The following CREB5 variants were observed in gnomAD, a reference collection of about 807,000 sequenced individuals.
The protein encoded by CREB5 is cAMP responsive element binding protein 5.
A neutral mutation model predicts 57.1 loss-of-function variants in CREB5; 19 were observed. The observed-to-expected ratio is 0.33, with a 90% CI of 0.23 to 0.49. CREB5 has a LOEUF of 0.49. CREB5 is among the 20% of genes least tolerant of loss of function. CREB5 has a pLI of 0.99. For synonymous variants in CREB5, 238 were observed against 238.3 expected (o/e 1.00, Z 0.01); for missense variants, 579 against 671.6 (o/e 0.86, Z 1.52).
rs150323083 is a variant in CREB5, at chr7:28,588,852, G to A, written c.464+18315G>A. The stretch of plus-strand genomic sequence containing the variant: ...GAATTTTTTTGAGATTGTGAATCTG[G>A]ATTAGAAGTGGTCAAGCAGTTGTTC... On this transcript the variant is annotated intron_variant, in intron 5 of 10. Coordinates refer to ENST00000357727, the MANE Select transcript of CREB5 (RefSeq NM_182898.4). Among the ~76,000 whole-genome samples, 12 of 152,236 alleles carry A rather than the reference G, an allele frequency of 7.9e-5. No individual in the cohort carries two copies. The East Asian group carries it at 2.3e-3, about 29-fold the overall frequency.
intron 5 of CREB5, among the ~76,000 whole-genome samples, chr7:28,643,543 G>T (rs1449246368): frequency 6.6e-6 from 1 of 152,086 alleles, no homozygotes; most frequent in African/African-American, 2.4e-5. Flanking sequence ...ATGTGACCTA[G>T]GTTATTTAAG....
chr7:28,777,017 A>G (rs1416192445), intron 7 of CREB5, among the ~76,000 whole-genome samples: 2 of 152,212 alleles, frequency 1.3e-5, no homozygotes, highest in Non-Finnish European at 2.9e-5. Flanking sequence ...TTCATGCACA[A>G]GTTTTTATGT....
At chr7:28,713,442 A>C (rs2128744226) in intron 5 of CREB5, among the ~76,000 whole-genome samples, 1 of 152,332 alleles carries the variant, frequency 6.6e-6, no homozygotes, top group Non-Finnish European at 1.5e-5. Flanking sequence ...GTGGAATATA[A>C]AGCCTTTTTA....
intron 7 of CREB5, among the ~76,000 whole-genome samples, chr7:28,744,572 T>C (rs1804590413): frequency 6.6e-6 from 1 of 152,050 alleles, no homozygotes; most frequent in Non-Finnish European, 1.5e-5. Context: ...GGTCTCGATC[T>C]CTTGACCTCA....
At chr7:28,455,970 G>T (rs1790077537) in intron 1 of CREB5, among the ~76,000 whole-genome samples, 1 of 152,208 alleles carries the variant, frequency 6.6e-6, no homozygotes, top group Non-Finnish European at 1.5e-5. Flanking sequence ...TGTCTGAGAA[G>T]TGTTACTGAC....
At chr7:28,492,513 T>A (rs1385752504) in intron 2 of CREB5, among the ~76,000 whole-genome samples, 1 of 152,128 alleles carries the variant, frequency 6.6e-6, no homozygotes. Flanking sequence ...GCTATGTTCC[T>A]GCTGAATTAA....
At chr7:28,452,545 T>G (rs1014121490) in intron 1 of CREB5, among the ~76,000 whole-genome samples, 18 of 151,900 alleles carry the variant, frequency 1.2e-4, no homozygotes, top group African/African-American at 4.4e-4. Context: ...AAGGTGAGGG[T>G]AGGATTAGGG....
chr7:28,658,953 GTATATATATATA>G (rs72106956), intron 5 of CREB5, among the ~76,000 whole-genome samples: 1 of 99,584 alleles, frequency 1.0e-5, no homozygotes, highest in Non-Finnish European at 2.3e-5. Flanking sequence ...GTGTGTGTGT[GTATATATATATA>G]TATATATATA....
At chr7:28,796,424 T>G (rs976638665) in intron 7 of CREB5, among the ~76,000 whole-genome samples, 4 of 152,214 alleles carry the variant, frequency 2.6e-5, no homozygotes, top group Non-Finnish European at 4.4e-5. Flanking sequence ...CAAAAGCTGA[T>G]ATTAACTTCA....
chr7:28,433,232 G>A (rs189185849), intron 1 of CREB5, among the ~76,000 whole-genome samples: 1 of 152,208 alleles, frequency 6.6e-6, no homozygotes, highest in African/African-American at 2.4e-5. Context: ...TTTCACAACA[G>A]CTTGTACTGA....
At chr7:28,658,947 G>GTGTGTGTATATATATATATATATATATA (rs1562554469) in intron 5 of CREB5, among the ~76,000 whole-genome samples, 5 of 39,358 alleles carry the variant, frequency 1.3e-4, no homozygotes, top group Non-Finnish European at 2.8e-4. Flanking sequence ...TTATATGTGT[G>GTGTGTGTATATATATATATATATATATA]TGTGTGTATA....
At chr7:28,420,179 C>T (rs1024966926) in intron 1 of CREB5, among the ~76,000 whole-genome samples, 2 of 151,870 alleles carry the variant, frequency 1.3e-5, no homozygotes, top group East Asian at 1.9e-4. Context: ...ACTTGACATG[C>T]CCTTTGGAAG....
At chr7:28,443,850 C>T (rs1789306883) in intron 1 of CREB5, among the ~76,000 whole-genome samples, 1 of 152,142 alleles carries the variant, frequency 6.6e-6, no homozygotes, top group African/African-American at 2.4e-5. Flanking sequence ...TCTTCCTCTG[C>T]AGCTTGACCC....
intron 1 of CREB5, among the ~76,000 whole-genome samples, chr7:28,380,587 T>C (rs751800082): frequency 5.9e-5 from 9 of 152,184 alleles, no homozygotes; most frequent in Non-Finnish European, 1.2e-4. Context: ...GTGGAAGGTC[T>C]TTGGCATCAC....
chr7:28,646,467 C>T (rs1320344083), intron 5 of CREB5, among the ~76,000 whole-genome samples: 1 of 152,160 alleles, frequency 6.6e-6, no homozygotes. Context: ...GAGGTGATAC[C>T]TGCTTTATCT....
rs920142086 is a variant in CREB5 at position 28,737,397 on chromosome 7, C to T, written c.702+13065C>T. 2.2e-4 allele frequency among the ~76,000 whole-genome samples: 33 copies of T among 151,520 alleles called. 1 individual carries two copies. Among genetic ancestry groups the T allele is most frequent in the African/African-American group, 7.3e-4 (30 of 41,212 alleles). Reference sequence around the variant, plus strand: ...GCTGCACCTCCTGGTTTCTTCCCCCCTCTGTTCCTCATTTCCCCATTGACA... The same window carrying T: ...GCTGCACCTCCTGGTTTCTTCCCCCTTCTGTTCCTCATTTCCCCATTGACA... On this transcript the variant is annotated intron_variant, in intron 7 of 10. Transcript: ENST00000357727.
chr7:28,330,401 C>CCTTT (rs775917974), intron 1 of CREB5, among the ~76,000 whole-genome samples: 39 of 88,522 alleles, frequency 4.4e-4, no homozygotes, highest in African/African-American at 1.1e-3. Context: ...GAGAACCTTA[C>CCTTT]TTTTTTTTTT....
intron 8 of CREB5, among the ~76,000 whole-genome samples, chr7:28,805,693 A>G (rs1386956591): frequency 6.6e-6 from 1 of 150,992 alleles, no homozygotes; most frequent in East Asian, 1.9e-4. Flanking sequence ...TACATTGTGA[A>G]TAAGAATTGA....
At chr7:28,797,696 A>G (rs949963057) in intron 7 of CREB5, among the ~76,000 whole-genome samples, 2 of 152,218 alleles carry the variant, frequency 1.3e-5, no homozygotes, top group African/African-American at 4.8e-5. Flanking sequence ...CTATCGCCAC[A>G]TCTCCAAGTT....
Sources: gnomAD v4.1 joint callset for allele counts (sites outside exome capture counted in the v4.1 genomes callset) on GRCh38, gnomAD v4.1.1 for gene constraint, MANE v1.5 for transcripts, NCBI Gene and HGNC (gene_info 2026-07-23, HGNC 2026-07-21) for gene names.